The following FANCC variants were observed in gnomAD, a reference collection of about 807,000 sequenced individuals.
The protein encoded by FANCC is Fanconi anemia group C protein.
Under a neutral mutation model 71.3 loss-of-function variants are expected in FANCC, and 55 were observed. The observed-to-expected ratio is 0.77, with a 90% CI of 0.62 to 0.97. The LOEUF is 0.97. FANCC is among the 50% of genes least tolerant of loss of function. FANCC has a pLI of 0.00. For missense variants in FANCC, 678 were observed against 670.9 expected (o/e 1.01, Z -0.12); for synonymous variants, 275 against 244.9 (o/e 1.12, Z -1.15).
At chr9:95,131,958 T>C (rs1343391308) in intron 8 of FANCC, among the ~76,000 whole-genome samples, 1 of 152,256 alleles carries the variant, frequency 6.6e-6, no homozygotes, top group East Asian at 1.9e-4. Context: ...AGATGCTTTT[T>C]ATTCTTAAGT....
At chr9:95,296,846 C>T (rs1834409888) in intron 1 of FANCC, among the ~76,000 whole-genome samples, 2 of 152,172 alleles carry the variant, frequency 1.3e-5, no homozygotes, top group Non-Finnish European at 2.9e-5. Context: ...TAAAAATTTT[C>T]AAAATTGTAA....
chr9:95,130,252 A>C (rs921061300), intron 8 of FANCC, among the ~76,000 whole-genome samples: 1 of 152,130 alleles, frequency 6.6e-6, no homozygotes. Context: ...ATTCTCAGGA[A>C]GAAGCATTTC....
chr9:95,302,092 A>G (rs1342044512), intron 1 of FANCC, among the ~76,000 whole-genome samples: 2 of 151,326 alleles, frequency 1.3e-5, no homozygotes, highest in African/African-American at 2.4e-5. Context: ...AAAAAAAAAA[A>G]AAAAACAAAG....
chr9:95,171,625 AT>A (rs1201493889), intron 5 of FANCC, among the ~76,000 whole-genome samples: 1 of 152,212 alleles, frequency 6.6e-6, no homozygotes, highest in Non-Finnish European at 1.5e-5. Flanking sequence ...ATGCTTTAAT[AT>A]TAAGAGGTAA....
At chr9:95,116,865 AG>A (rs1277407134) in intron 11 of FANCC, among the ~76,000 whole-genome samples, 1 of 152,210 alleles carries the variant, frequency 6.6e-6, no homozygotes, top group African/African-American at 2.4e-5. Flanking sequence ...TAGCTTGGTT[AG>A]GGGAAACTTC....
chr9:95,167,230 G>GTGA (rs1825360478), intron 6 of FANCC, among the ~76,000 whole-genome samples: 1 of 151,816 alleles, frequency 6.6e-6, no homozygotes, highest in South Asian at 2.1e-4. Flanking sequence ...CTTTTTTCTT[G>GTGA]CTGCTTTCAA....
In FANCC at chr9:95,135,509, G is replaced by T; in HGVS notation, c.687-7C>A. On this transcript the variant is annotated splice_region_variant and splice_polypyrimidine_tract_variant and intron_variant, in intron 7 of 14. Coordinates refer to ENST00000289081, the MANE Select transcript of FANCC (RefSeq NM_000136.3). ...GGGGAGAGAAATCTTCTTCCTTTCA[G>T]AAAGAAATAAACAAAATTTTAAACA... 4 of 1,613,202 alleles carry T rather than the reference G, an allele frequency of 2.5e-6. No individual in the cohort carries two copies. Among genetic ancestry groups the T allele is most frequent in the Non-Finnish European group, 3.4e-6 (4 of 1,179,656 alleles).
chr9:95,107,958 C>T (rs2071587688), intron 13 of FANCC, among the ~76,000 whole-genome samples: 1 of 152,188 alleles, frequency 6.6e-6, no homozygotes, highest in African/African-American at 2.4e-5. Context: ...GATGTTTCTG[C>T]TTGCTACAAG....
At chr9:95,245,229 G>C (rs1830889810) in intron 3 of FANCC, among the ~76,000 whole-genome samples, 1 of 152,036 alleles carries the variant, frequency 6.6e-6, no homozygotes, top group Admixed American at 6.6e-5. Context: ...TATTGGCCTA[G>C]ATCAATGTTC....
chr9:95,222,630 G>A (rs942788195), intron 4 of FANCC, among the ~76,000 whole-genome samples: 4 of 152,174 alleles, frequency 2.6e-5, no homozygotes, highest in Admixed American at 6.5e-5. Context: ...GCATTTGATC[G>A]CACGTAAAAT....
At chr9:95,295,319 T>C (rs542929750) in intron 1 of FANCC, among the ~76,000 whole-genome samples, 5 of 152,206 alleles carry the variant, frequency 3.3e-5, no homozygotes, top group Non-Finnish European at 5.9e-5. Flanking sequence ...GAATATATTA[T>C]ATAAGGAACT....
intron 4 of FANCC, among the ~76,000 whole-genome samples, chr9:95,175,940 G>A (rs1467894481): frequency 2.0e-5 from 3 of 152,252 alleles, no homozygotes; most frequent in Non-Finnish European, 4.4e-5. Flanking sequence ...AGCAGTCTGG[G>A]TTTGCACAGA....
intron 1 of FANCC, among the ~76,000 whole-genome samples, chr9:95,312,962 G>A (rs1344611220): frequency 6.6e-6 from 1 of 152,210 alleles, no homozygotes; most frequent in African/African-American, 2.4e-5. Context: ...CAGGAAAAGT[G>A]TTCACAGGGA....
chr9:95,115,351 A>G (rs1336803272), intron 11 of FANCC, among the ~76,000 whole-genome samples: 2 of 152,124 alleles, frequency 1.3e-5, no homozygotes, highest in East Asian at 1.9e-4. Context: ...CTTCTTTTCT[A>G]CCTACACACT....
At chr9:95,281,521 T>TA (rs1236340500) in intron 1 of FANCC, among the ~76,000 whole-genome samples, 1 of 152,090 alleles carries the variant, frequency 6.6e-6, no homozygotes, top group Non-Finnish European at 1.5e-5. Context: ...AGACCTGTCT[T>TA]ACAAGAAATG....
chr9:95,128,395 C>T (rs930408371), intron 8 of FANCC, among the ~76,000 whole-genome samples: 4 of 152,148 alleles, frequency 2.6e-5, no homozygotes, highest in South Asian at 2.1e-4. Flanking sequence ...CTTGGAAATG[C>T]GTTGATAGAA....
chr9:95,149,721 C>T (rs1017890492), intron 7 of FANCC, among the ~76,000 whole-genome samples: 7 of 152,114 alleles, frequency 4.6e-5, no homozygotes, highest in African/African-American at 1.7e-4. Flanking sequence ...TCAGGTGATC[C>T]ACCCGCCTTG....
intron 1 of FANCC, among the ~76,000 whole-genome samples, chr9:95,309,888 G>C (rs1271671975): frequency 6.6e-6 from 1 of 152,144 alleles, no homozygotes; most frequent in East Asian, 1.9e-4. Context: ...AAAAAGAAGA[G>C]ATAGCTAGGT....
intron 6 of FANCC, among the ~76,000 whole-genome samples, chr9:95,170,807 C>G (rs1825628055): frequency 6.6e-6 from 1 of 151,876 alleles, no homozygotes. Flanking sequence ...CTTTTATGCT[C>G]CCTACTGTGT....
Sources: allele counts gnomAD v4.1 joint callset (sites outside exome capture counted in the v4.1 genomes callset), GRCh38; gene constraint gnomAD v4.1.1; transcripts MANE v1.5; gene names NCBI Gene and HGNC (gene_info 2026-07-23, HGNC 2026-07-21).